Variants in SRSF4 observed in about 807,000 individuals in gnomAD.
SRSF4 encodes serine and arginine rich splicing factor 4.
Under a neutral mutation model 48.8 loss-of-function variants are expected in SRSF4, and 12 were observed. That is an observed-to-expected ratio of 0.25 (90% CI 0.16 to 0.40). The LOEUF (loss-of-function observed/expected upper bound fraction) is 0.40, where lower values mean the gene tolerates loss of function less well. SRSF4 is among the 10% of genes least tolerant of loss of function. The pLI is 1.00. For missense variants in SRSF4, 466 were observed against 667.1 expected (o/e 0.70, Z 3.32); for synonymous variants, 248 against 232.5 (o/e 1.07, Z -0.61).
intron 1 of SRSF4, among the ~76,000 whole-genome samples, chr1:29,167,308 T>C (rs1227807759): frequency 6.6e-6 from 1 of 152,276 alleles, no homozygotes; most frequent in Non-Finnish European, 1.5e-5. Flanking sequence ...ACCTCTTTCA[T>C]GAAGCCTCAG....
intron 4 of SRSF4, among the ~76,000 whole-genome samples, chr1:29,152,448 C>T (rs1028874558): frequency 1.3e-5 from 2 of 152,110 alleles, no homozygotes; most frequent in South Asian, 2.1e-4. Flanking sequence ...GAAAAGTCTC[C>T]AGTGACTTCT....
chr1:29,172,228 C>T (rs931521795), intron 1 of SRSF4: 1 of 152,078 alleles, frequency 6.6e-6, no homozygotes, highest in Admixed American at 6.6e-5. Flanking sequence ...ATAGTCCTAT[C>T]TCTATTTATT....
At position 29,148,349 on chromosome 1, in the gene SRSF4, C is replaced by A. The variant is rs1406163127; in HGVS notation, c.*61G>T. The A allele has an allele frequency of 6.5e-7, 1 of 1,547,656 alleles. No individual in the cohort carries two copies. Among genetic ancestry groups the A allele is most frequent in the African/African-American group, 1.4e-5 (1 of 72,948 alleles). On this transcript the variant is annotated 3_prime_UTR_variant, in exon 6 of 6. Transcript: ENST00000373795. ...ACATGTTCTACTCCAATCACTTGTGCTACGGCTACCAAACATGTACAAAAG... is the reference window on the plus strand; with the variant it reads ...ACATGTTCTACTCCAATCACTTGTGATACGGCTACCAAACATGTACAAAAG...
At chr1:29,171,297 C>T (rs535572474) in intron 1 of SRSF4, 1 of 151,586 alleles carries the variant, frequency 6.6e-6, no homozygotes, top group South Asian at 2.1e-4. Flanking sequence ...AGACTAAAGG[C>T]TGAACAAGCC....
rs758870345 is a variant in SRSF4, at chr1:29,148,819, C to T, written c.1076G>A (p.Arg359Lys). The T allele has an allele frequency of 3.1e-6, 5 of 1,608,396 alleles. No homozygotes were observed. The highest frequency in any genetic ancestry group is 4.2e-6 in the Non-Finnish European group (5 of 1,176,528). ...GCGACTGCGGCTCTCCTCTCTGCTT[C>T]TCTTCCTGCCCTTCCTCTTGTCCTT... ...KSKDKRKGRK[R>K]SREESRSRSR... is the part of the protein sequence containing the mutation. Residue 359 changes from arginine to lysine, a missense_variant, in exon 6 of 6, where the codon AGA (arginine) becomes AAA (lysine). Physicochemically the swap from Arg to Lys is conservative, Grantham distance 26 (BLOSUM62 2). Transcript: ENST00000373795.
At chr1:29,175,593 G>C (rs1275206424) in intron 1 of SRSF4, among the ~76,000 whole-genome samples, 1 of 146,150 alleles carries the variant, frequency 6.8e-6, no homozygotes, top group East Asian at 2.0e-4. Context: ...TACTTGAGAG[G>C]CTGAGGCAGG....
rs1238115401 is a variant in SRSF4 at position 29,181,795 on chromosome 1, T to G, written c.-43A>C. 3 of 1,501,156 alleles carry G rather than the reference T, an allele frequency of 2.0e-6. No individual in the cohort carries two copies. The African/African-American group carries it at 4.3e-5, about 22-fold the overall frequency. 93.0% of individuals were successfully genotyped at this position (1,501,156 alleles called of 1,614,324 possible). The stretch of plus-strand genomic sequence containing the variant: ...TGGCTGGCCCCGGCCCCAGCCCCCC[T>G]TAGGCGGCGGCGGGCAAAGCGAGAG... On this transcript the variant is annotated 5_prime_UTR_variant, in exon 1 of 6. Transcript: ENST00000373795.
At chr1:29,150,406 A>G (rs1304675714) in intron 4 of SRSF4, among the ~76,000 whole-genome samples, 1 of 152,102 alleles carries the variant, frequency 6.6e-6, no homozygotes, top group Non-Finnish European at 1.5e-5. Flanking sequence ...CTGGGATTAC[A>G]GGCATGTGCT....
intron 4 of SRSF4, among the ~76,000 whole-genome samples, chr1:29,150,928 T>C (rs1022357384): frequency 2.0e-5 from 3 of 152,194 alleles, no homozygotes; most frequent in Non-Finnish European, 4.4e-5. Flanking sequence ...ACAACCAGCC[T>C]TTCTGTGTAT....
intron 1 of SRSF4, among the ~76,000 whole-genome samples, chr1:29,180,996 G>A (rs1672946283): frequency 6.6e-6 from 1 of 152,230 alleles, no homozygotes; most frequent in African/African-American, 2.4e-5. Context: ...TGGAAACTCT[G>A]CACGGAGTCT....
chr1:29,177,892 G>GTTTTTT (rs1672893408), intron 1 of SRSF4, among the ~76,000 whole-genome samples: 1 of 121,556 alleles, frequency 8.2e-6, no homozygotes, highest in African/African-American at 3.3e-5. Flanking sequence ...TATTACACAA[G>GTTTTTT]ATTTTTTTTT....
At chr1:29,167,787 T>C (rs1672688070) in intron 1 of SRSF4, among the ~76,000 whole-genome samples, 1 of 152,238 alleles carries the variant, frequency 6.6e-6, no homozygotes, top group African/African-American at 2.4e-5. Context: ...CTGTTGGCTA[T>C]TTAGCACAGT....
At chr1:29,152,791 C>T (rs1333092970) in intron 4 of SRSF4, among the ~76,000 whole-genome samples, 1 of 151,940 alleles carries the variant, frequency 6.6e-6, no homozygotes, top group East Asian at 1.9e-4. Context: ...TGGTGGTGTG[C>T]ACCTGTGATC....
chr1:29,168,762 T>C (rs1473899748), intron 1 of SRSF4: 1 of 152,220 alleles, frequency 6.6e-6, no homozygotes, highest in East Asian at 1.9e-4. Context: ...ATAAAGAAGA[T>C]GAAGACTTGG....
rs866486458 is a variant in SRSF4, at chr1:29,148,344, T to C, written c.*66A>G. On this transcript the variant is annotated 3_prime_UTR_variant, in exon 6 of 6. Coordinates refer to ENST00000373795, the MANE Select transcript of SRSF4 (RefSeq NM_005626.5). ...CAGTGACATGTTCTACTCCAATCAC[T>C]TGTGCTACGGCTACCAAACATGTAC... 30 of 1,541,362 alleles carry C rather than the reference T, an allele frequency of 1.9e-5. No homozygotes were observed. In the Middle Eastern group the frequency reaches 3.1e-3, roughly 161 times the overall value.
chr1:29,158,444 T>G (rs1049784933), intron 3 of SRSF4, among the ~76,000 whole-genome samples: 1 of 151,676 alleles, frequency 6.6e-6, no homozygotes, highest in African/African-American at 2.4e-5. Flanking sequence ...TTTTTTTTTT[T>G]TTTGAGACAG....
intron 1 of SRSF4, chr1:29,169,613 A>C (rs532398541): frequency 6.6e-6 from 1 of 152,352 alleles, no homozygotes; most frequent in African/African-American, 2.4e-5. Context: ...AGAAACTTAT[A>C]TCTCAGCAAT....
At chr1:29,179,148 C>T (rs528293399) in intron 1 of SRSF4, among the ~76,000 whole-genome samples, 18 of 152,214 alleles carry the variant, frequency 1.2e-4, no homozygotes, top group East Asian at 5.8e-4. Context: ...CCTTTGAATT[C>T]CTACTCATTG....
intron 4 of SRSF4, among the ~76,000 whole-genome samples, chr1:29,151,997 G>T (rs1372023998): frequency 1.3e-5 from 2 of 152,140 alleles, no homozygotes; most frequent in Non-Finnish European, 2.9e-5. Flanking sequence ...GACAACTAGG[G>T]CAGGGTGCAG....
Sources: allele counts gnomAD v4.1 joint callset (sites outside exome capture counted in the v4.1 genomes callset), GRCh38; gene constraint gnomAD v4.1.1; transcripts MANE v1.5; gene names NCBI Gene and HGNC (gene_info 2026-07-23, HGNC 2026-07-21).